TANC2: variants seen among roughly 807,000 people sequenced by gnomAD.
TANC2 encodes the protein protein TANC2.
A neutral mutation model predicts 210.5 loss-of-function variants in TANC2; 26 were observed. That is an observed-to-expected ratio of 0.12 (90% confidence interval 0.09 to 0.17). The LOEUF (loss-of-function observed/expected upper bound fraction) is 0.17. Among genes scored for constraint, TANC2 ranks in the 10% least tolerant of loss-of-function variants. The pLI, the probability that TANC2 is intolerant of heterozygous loss-of-function variation, is 1.00. For missense variants in TANC2, 2,129 were observed against 2,608.9 expected (o/e 0.82, Z 4.01); for synonymous variants, 931 against 967.1 (o/e 0.96, Z 0.69).
At chr17:63,155,756 A>G (rs1236889725) in intron 5 of TANC2, among the ~76,000 whole-genome samples, 2 of 152,240 alleles carry the variant, frequency 1.3e-5, no homozygotes, top group African/African-American at 4.8e-5. Flanking sequence ...CAAAATTAGC[A>G]TATATTTAAA....
intron 7 of TANC2, among the ~76,000 whole-genome samples, chr17:63,203,871 A>C (rs1389520327): frequency 6.6e-6 from 1 of 152,190 alleles, no homozygotes; most frequent in African/African-American, 2.4e-5. Context: ...CACATGTTCC[A>C]AGGAAGGTGT....
chr17:63,222,829 A>G (rs2042231919), intron 7 of TANC2, among the ~76,000 whole-genome samples: 5 of 152,182 alleles, frequency 3.3e-5, no homozygotes, highest in African/African-American at 1.2e-4. Flanking sequence ...AACAGATACT[A>G]CATGAATGTT....
At chr17:63,015,803 T>C (rs1342610297) in intron 2 of TANC2, among the ~76,000 whole-genome samples, 2 of 152,040 alleles carry the variant, frequency 1.3e-5, no homozygotes, top group East Asian at 3.8e-4. Context: ...AATATGTTTA[T>C]ATTTTCTAAA....
chr17:63,415,423 T>C, intron 25 of TANC2, 105 bp from the exon 26 acceptor site: 3 of 1,455,686 alleles, frequency 2.1e-6, no homozygotes, highest in Non-Finnish European at 2.8e-6. Flanking sequence ...TTGGGAGGGT[T>C]AGCCCTTAGT....
intron 3 of TANC2, among the ~76,000 whole-genome samples, chr17:63,085,586 G>A (rs2036930512): frequency 6.6e-6 from 1 of 151,914 alleles, no homozygotes; most frequent in African/African-American, 2.4e-5. Flanking sequence ...CAGATACTGT[G>A]TAATAACAAA....
chr17:63,382,226 A>C (rs1334961475), intron 15 of TANC2, among the ~76,000 whole-genome samples: 1 of 152,228 alleles, frequency 6.6e-6, no homozygotes, highest in Non-Finnish European at 1.5e-5. Context: ...TGCGGTTCTC[A>C]GTGCTGCTTT....
At chr17:63,417,231 T>A (rs775148738) in intron 26 of TANC2, among the ~76,000 whole-genome samples, 62 of 152,110 alleles carry the variant, frequency 4.1e-4, no homozygotes, top group Non-Finnish European at 7.8e-4. Flanking sequence ...TTTTAAAAAA[T>A]TTTTTTACCT....
At chr17:63,096,081 C>T (rs1009821088) in intron 3 of TANC2, among the ~76,000 whole-genome samples, 1 of 151,988 alleles carries the variant, frequency 6.6e-6, no homozygotes, top group Non-Finnish European at 1.5e-5. Flanking sequence ...TAAGGAATTA[C>T]ACTAATGGCA....
intron 2 of TANC2, among the ~76,000 whole-genome samples, chr17:63,039,897 T>C (rs552980307): frequency 1.3e-5 from 2 of 152,258 alleles, no homozygotes; most frequent in South Asian, 4.1e-4. Flanking sequence ...ATACTAAACA[T>C]GTGTAATGTG....
chr17:63,399,174 A>G (rs1030364042), intron 19 of TANC2: 4 of 239,028 alleles, frequency 1.7e-5, no homozygotes, highest in Non-Finnish European at 3.2e-5. Context: ...ATATTTTTAA[A>G]AGACTGAAAG....
At chr17:63,218,565 A>G (rs1171263810) in intron 7 of TANC2, among the ~76,000 whole-genome samples, 1 of 152,280 alleles carries the variant, frequency 6.6e-6, no homozygotes, top group African/African-American at 2.4e-5. Flanking sequence ...TACTCTGTGT[A>G]TAAAGTTTAA....
intron 14 of TANC2, among the ~76,000 whole-genome samples, chr17:63,358,776 A>G (rs1330163229): frequency 6.6e-6 from 1 of 152,222 alleles, no homozygotes; most frequent in Non-Finnish European, 1.5e-5. Context: ...AGTGACTCTC[A>G]TAGTAGAAAT....
intron 2 of TANC2, among the ~76,000 whole-genome samples, chr17:63,069,419 T>G (rs2036318041): frequency 6.6e-6 from 1 of 152,148 alleles, no homozygotes; most frequent in Admixed American, 6.6e-5. Context: ...TTGCTCCTGG[T>G]TGAAAATCAC....
intron 20 of TANC2, 126 bp from the exon 21 acceptor site, chr17:63,406,028 A>G: frequency 8.3e-7 from 1 of 1,206,404 alleles, no homozygotes; most frequent in Admixed American, 2.2e-5. Flanking sequence ...CTTATGGGGG[A>G]AGTGGAAAGA....
At chr17:63,399,651 G>A (rs1304481435) in intron 19 of TANC2, among the ~76,000 whole-genome samples, 1 of 152,216 alleles carries the variant, frequency 6.6e-6, no homozygotes, top group Non-Finnish European at 1.5e-5. Context: ...CCAGATATGT[G>A]TGATATTTTC....
Position 63,326,749 on chromosome 17 carries a change from A to C in TANC2, c.1575+7659A>C, listed in dbSNP as rs144257687. On this transcript the variant is annotated intron_variant, in intron 11 of 27. Transcript: ENST00000689528. ...TCAAAAACAACAACAACAACAACAA[A>C]AAAAAAACTTCTAATGTTGCATGAC... Among the ~76,000 whole-genome samples, 670 of 150,808 alleles carry C rather than the reference A, an allele frequency of 4.4e-3. 4 individuals are homozygous for C. Among genetic ancestry groups the C allele is most frequent in the Middle Eastern group, 0.02 (6 of 294 alleles).
At chr17:63,417,426 C>G (rs1161241560) in intron 26 of TANC2, among the ~76,000 whole-genome samples, 1 of 152,022 alleles carries the variant, frequency 6.6e-6, no homozygotes, top group Non-Finnish European at 1.5e-5. Context: ...TGTTCCCCAC[C>G]CCACCCCCCA....
At chr17:63,213,171 C>T (rs566433976) in intron 7 of TANC2, among the ~76,000 whole-genome samples, 1 of 152,086 alleles carries the variant, frequency 6.6e-6, no homozygotes, top group Non-Finnish European at 1.5e-5. Flanking sequence ...TGGAGCCTAC[C>T]GTATGTGCTC....
intron 1 of TANC2, among the ~76,000 whole-genome samples, chr17:63,001,543 CTTTTTCTTTCTTTCTTTTTT>C (rs2033385063): frequency 3.2e-5 from 4 of 125,706 alleles, no homozygotes; most frequent in African/African-American, 1.2e-4. Flanking sequence ...TTTTTTTTTT[CTTTTTCTTTCTTTCTTTTTT>C]TTTTTCCAAG....
Sources: allele counts gnomAD v4.1 joint callset (sites outside exome capture counted in the v4.1 genomes callset), GRCh38; gene constraint gnomAD v4.1.1; transcripts MANE v1.5; gene names NCBI Gene and HGNC (gene_info 2026-07-23, HGNC 2026-07-21).